The following USP42 variants were observed in gnomAD, a reference collection of about 807,000 sequenced individuals.
The protein encoded by USP42 is ubiquitin specific peptidase 42.
USP42 carries 23 observed loss-of-function variants against 113.0 expected under a neutral mutation model. The ratio of observed to expected loss-of-function variants is 0.20; its 90% CI spans 0.15 to 0.29. The LOEUF is 0.29. Ranked by LOEUF, USP42 falls within the 10% of genes least tolerant of loss-of-function variation. The probability of loss-of-function intolerance (pLI) is 1.00; values close to 1 mark genes in which losing one functional copy is unlikely to be tolerated. For synonymous variants in USP42, 933 were observed against 699.0 expected, an observed-to-expected ratio of 1.33 and a Z score of -5.28; for missense variants, 2,174 against 1,779.8, an observed-to-expected ratio of 1.22 and a Z score of -3.99.
chr7:6,141,046 GTTCA>G, intron 7 of USP42, 62 bp downstream of exon 7: 1 of 843,288 alleles, frequency 1.2e-6, no homozygotes, highest in South Asian at 1.7e-5. Context: ...TGTAACTGTA[GTTCA>G]TTTATAATTT....
chr7:6,110,666 G>C (rs1286896170), intron 1 of USP42, among the ~76,000 whole-genome samples: 1 of 152,152 alleles, frequency 6.6e-6, no homozygotes, highest in Non-Finnish European at 1.5e-5. Context: ...ATTAAGTCTA[G>C]ATTTTTTCTG....
intron 3 of USP42, among the ~76,000 whole-genome samples, chr7:6,121,750 C>T (rs1197089277): frequency 2.0e-5 from 3 of 152,130 alleles, no homozygotes; most frequent in African/African-American, 4.8e-5. Context: ...CTGCAGCCTC[C>T]ACCTCCTGGG....
At chr7:6,121,999 T>C (rs927384420) in intron 3 of USP42, among the ~76,000 whole-genome samples, 4 of 152,336 alleles carry the variant, frequency 2.6e-5, no homozygotes, top group African/African-American at 4.8e-5. Context: ...AGTTTTTTAA[T>C]GTTACTGATC....
rs149929997 is a variant in USP42, at chr7:6,133,809, C to T, written c.443-2032C>T. Among the ~76,000 whole-genome samples the T allele has an allele frequency of 2.3e-3, 352 of 152,148 alleles. 5 individuals are homozygous for T. The highest frequency in any genetic ancestry group is 7.7e-3 in the African/African-American group (318 of 41,482). On this transcript the variant is annotated intron_variant, in intron 3 of 17. Coordinates refer to ENST00000306177, the MANE Select transcript of USP42 (RefSeq NM_032172.3). ...CACTGGGATGACAGGCGTAAGCCACCGCACCTGGTGCATTTTTCATCCCAG... is the reference window on the plus strand; with the variant it reads ...CACTGGGATGACAGGCGTAAGCCACTGCACCTGGTGCATTTTTCATCCCAG...
At position 6,149,648 on chromosome 7, in the gene USP42, T is replaced by C; in HGVS notation, c.1452T>C (p.Pro484=). 6.2e-7 allele frequency: 1 copy of C among 1,614,002 alleles called. No individual in the cohort carries two copies. Among genetic ancestry groups the C allele is most frequent in the Non-Finnish European group, 8.5e-7 (1 of 1,179,892 alleles). The change falls in exon 13 of 18, where the codon CCT becomes CCC. Residue 484 remains proline (P), a synonymous_variant. Coordinates refer to ENST00000306177, the MANE Select transcript of USP42 (RefSeq NM_032172.3). ...KDTPSSSMSS[P]NGNSSVNRAS... is the part of the protein sequence containing the mutation. ...CGCCAAGCAGTTCCATGTCGAGTCC[T>C]AACGGGAATTCCAGTGTCAACAGGG...
Position 6,154,807 on chromosome 7 carries a change from C to T in USP42, c.3253C>T (p.Arg1085Trp). 1.3e-6 allele frequency: 2 copies of T among 1,545,068 alleles called. No homozygotes were observed. The highest frequency in any genetic ancestry group is 1.7e-6 in the Non-Finnish European group (2 of 1,144,166). ...CTTCCACGGCGGCCGCGAGCACGAG[C>T]GGGCCGGGCTGCACGAGCGGCCGCA... Reference protein sequence around the residue: ...KPFHGGREHERAGLHERPHKD... With the variant: ...KPFHGGREHEWAGLHERPHKD... Residue 1085 changes from arginine to tryptophan, a missense_variant, in exon 15 of 18, where the codon CGG becomes TGG. Transcript: ENST00000306177.
At chr7:6,095,981 C>G in the USP42 span, among the ~76,000 whole-genome samples, 2 of 150,532 alleles carry the variant, frequency 1.3e-5, no homozygotes, top group South Asian at 4.2e-4. Flanking sequence ...AGGTTGGTCT[C>G]GAATTCCTAG....
upstream of USP42, among the ~76,000 whole-genome samples, chr7:6,103,102 C>A (rs984266113): frequency 6.6e-6 from 1 of 150,968 alleles, no homozygotes; most frequent in East Asian, 1.9e-4. Flanking sequence ...CAGGGAGAAG[C>A]AGGCTCATGG....
intron 2 of USP42, among the ~76,000 whole-genome samples, chr7:6,113,430 C>T (rs1480049807): frequency 1.3e-5 from 2 of 152,132 alleles, no homozygotes; most frequent in Non-Finnish European, 2.9e-5. Flanking sequence ...ACTGAACTCA[C>T]ATCTCCCCAC....
chr7:6,147,074 T>A (rs1043194429), intron 11 of USP42, among the ~76,000 whole-genome samples: 2 of 152,246 alleles, frequency 1.3e-5, no homozygotes, highest in African/African-American at 4.8e-5. Flanking sequence ...TATTCTCAAA[T>A]GTCCAACTGG....
At chr7:6,090,153 A>AC in the USP42 span, among the ~76,000 whole-genome samples, 3 of 148,940 alleles carry the variant, frequency 2.0e-5, no homozygotes. Context: ...ACACAAAATT[A>AC]GACAGGCATG....
At chr7:6,093,234 T>A in the USP42 span, 1 of 131,812 alleles carries the variant, frequency 7.6e-6, no homozygotes, top group African/African-American at 2.9e-5. Flanking sequence ...CCTCCCTCCC[T>A]CTCTTCCTCC....
At chr7:6,113,360 C>G (rs1227159406) in intron 2 of USP42, among the ~76,000 whole-genome samples, 2 of 152,096 alleles carry the variant, frequency 1.3e-5, no homozygotes, top group Non-Finnish European at 2.9e-5. Context: ...CCCACAGGAC[C>G]TCTTTCTCCA....
chr7:6,151,516 C>T (rs1782049427), intron 14 of USP42, among the ~76,000 whole-genome samples: 2 of 152,230 alleles, frequency 1.3e-5, no homozygotes, highest in East Asian at 1.9e-4. Flanking sequence ...CAGCTCACTG[C>T]AGCCTCCGCC....
intron 2 of USP42, chr7:6,112,017 T>G (rs1340372682): frequency 6.6e-6 from 1 of 152,352 alleles, no homozygotes; most frequent in Admixed American, 6.5e-5. Context: ...GTTTCCTAAG[T>G]AGATGACTTT....
intron 7 of USP42, among the ~76,000 whole-genome samples, 192 bp downstream of exon 7, chr7:6,141,176 ACT>A (rs928368369): frequency 7.3e-6 from 1 of 136,740 alleles, no homozygotes; most frequent in African/African-American, 2.7e-5. Context: ...TTTTTTTATT[ACT>A]CTTTGAATTT....
intron 8 of USP42, among the ~76,000 whole-genome samples, chr7:6,143,722 A>T (rs1781553182): frequency 6.6e-6 from 1 of 151,956 alleles, no homozygotes; most frequent in Admixed American, 6.5e-5. Flanking sequence ...TATTATTTTT[A>T]AATTAGATGA....
chr7:6,094,177 C>T, the USP42 span, among the ~76,000 whole-genome samples: 7 of 147,778 alleles, frequency 4.7e-5, no homozygotes, highest in South Asian at 1.3e-3. Context: ...CCACCATGCC[C>T]GGCCTGTTGT....
the USP42 span, among the ~76,000 whole-genome samples, chr7:6,098,345 C>G: frequency 6.7e-6 from 1 of 149,922 alleles, no homozygotes; most frequent in East Asian, 1.9e-4. Context: ...CTCCCCAGCC[C>G]TCACCCCTCA....
Sources: allele counts gnomAD v4.1 joint callset (sites outside exome capture counted in the v4.1 genomes callset), GRCh38; gene constraint gnomAD v4.1.1; transcripts MANE v1.5; gene names NCBI Gene and HGNC (gene_info 2026-07-23, HGNC 2026-07-21).